Variants in AGMO observed in about 807,000 individuals in gnomAD.
AGMO encodes the protein glyceryl-ether monooxygenase.
Under a neutral mutation model 60.2 loss-of-function variants are expected in AGMO, and 75 were observed. That is an observed-to-expected ratio of 1.25 (90% CI 1.03 to 1.51). The LOEUF is 1.51. Among genes scored for constraint, AGMO ranks in the 40% most tolerant of loss-of-function variants. The pLI is 0.00. For synonymous variants in AGMO, 261 were observed against 177.1 expected, an observed-to-expected ratio of 1.47 and a Z score of -3.76; for missense variants, 763 against 525.5, an observed-to-expected ratio of 1.45 and a Z score of -4.42.
chr7:15,384,215 G>A (rs2128482502), intron 10 of AGMO, among the ~76,000 whole-genome samples: 1 of 152,264 alleles, frequency 6.6e-6, no homozygotes, highest in Non-Finnish European at 1.5e-5. Flanking sequence ...GGGATTACAG[G>A]CATGAGCCAC....
chr7:15,538,068 A>G (rs1440584876), intron 3 of AGMO, among the ~76,000 whole-genome samples: 1 of 152,104 alleles, frequency 6.6e-6, no homozygotes, highest in East Asian at 1.9e-4. Context: ...CAAGTTGTTG[A>G]TGGGAATTCC....
chr7:15,468,813 C>T (rs974130561), intron 3 of AGMO, among the ~76,000 whole-genome samples: 7 of 151,838 alleles, frequency 4.6e-5, no homozygotes, highest in Admixed American at 2.6e-4. Flanking sequence ...TGAGGTAATC[C>T]GGGCAGAGAT....
rs1781979099 is a variant in AGMO, at chr7:15,223,331, A to G, written c.1264-21972T>C. On this transcript the variant is annotated intron_variant, in intron 12 of 12. Coordinates refer to ENST00000342526, the MANE Select transcript of AGMO (RefSeq NM_001004320.2). Reference sequence around the variant, plus strand: ...ATCTAAGAGACAACTAGCAGGTACAATTTTTGATAAAATTGTAGCTTCAGT... The same window carrying G: ...ATCTAAGAGACAACTAGCAGGTACAGTTTTTGATAAAATTGTAGCTTCAGT... 3.9e-5 allele frequency among the ~76,000 whole-genome samples: 6 copies of G among 152,070 alleles called. No homozygotes were observed. The South Asian group carries it at 1.0e-3, about 26-fold the overall frequency.
chr7:15,253,202 T>A (rs889240931), intron 12 of AGMO, among the ~76,000 whole-genome samples: 2 of 152,080 alleles, frequency 1.3e-5, no homozygotes, highest in Non-Finnish European at 2.9e-5. Flanking sequence ...TTTGTGTAGA[T>A]GAGAAAGGAT....
intron 12 of AGMO, among the ~76,000 whole-genome samples, chr7:15,215,429 C>T (rs1301104512): frequency 6.6e-6 from 1 of 151,854 alleles, no homozygotes; most frequent in African/African-American, 2.4e-5. Flanking sequence ...AGACTCAACA[C>T]AGCTTGAGTT....
At chr7:15,260,498 G>C (rs1476126649) in intron 12 of AGMO, among the ~76,000 whole-genome samples, 1 of 151,926 alleles carries the variant, frequency 6.6e-6, no homozygotes, top group Non-Finnish European at 1.5e-5. Flanking sequence ...CTTAACACTG[G>C]AGGTCCCAAA....
At chr7:15,467,200 C>T (rs1489811716) in intron 3 of AGMO, among the ~76,000 whole-genome samples, 1 of 152,064 alleles carries the variant, frequency 6.6e-6, no homozygotes, top group East Asian at 1.9e-4. Context: ...TGTACTCTTC[C>T]ATGCCTAATA....
intron 12 of AGMO, among the ~76,000 whole-genome samples, chr7:15,339,489 G>T (rs990216715): frequency 5.9e-5 from 9 of 152,162 alleles, no homozygotes; most frequent in East Asian, 3.8e-4. Context: ...TTTAGAGGAT[G>T]TTCAGCTGGA....
At chr7:15,218,215 G>GT (rs1781803981) in intron 12 of AGMO, among the ~76,000 whole-genome samples, 1 of 152,000 alleles carries the variant, frequency 6.6e-6, no homozygotes, top group African/African-American at 2.4e-5. Flanking sequence ...AATTATTTAT[G>GT]TAATTTTTTA....
At chr7:15,196,473 G>C (rs765687860), downstream of AGMO, among the ~76,000 whole-genome samples, 1 of 152,172 alleles carries the variant, frequency 6.6e-6, no homozygotes, top group Non-Finnish European at 1.5e-5. Context: ...CTTTGCTATA[G>C]AAACAATATT....
the AGMO span, among the ~76,000 whole-genome samples, chr7:15,151,206 C>G: frequency 2.6e-5 from 4 of 152,048 alleles, no homozygotes; most frequent in Non-Finnish European, 5.9e-5. Flanking sequence ...TTATTTGAAT[C>G]TTCTCTATTT....
intron 12 of AGMO, among the ~76,000 whole-genome samples, chr7:15,219,894 C>G (rs1191037477): frequency 1.3e-5 from 2 of 152,208 alleles, no homozygotes; most frequent in Admixed American, 6.5e-5. Flanking sequence ...CCCCTAACAT[C>G]TTTCCAGACA....
At chr7:15,198,227 G>C (rs971185980), downstream of AGMO, among the ~76,000 whole-genome samples, 4 of 113,314 alleles carry the variant, frequency 3.5e-5, no homozygotes, top group African/African-American at 8.8e-5. Flanking sequence ...GAGAGAGAGA[G>C]AGAGAGAGAG....
Position 15,361,546 on chromosome 7 carries a change from A to AAAAAAAAAAAAAAAAAAG in AGMO, c.1263+3967_1263+3968insCTTTTTTTTTTTTTTTTT, listed in dbSNP as rs60239009. Among the ~76,000 whole-genome samples the AAAAAAAAAAAAAAAAAAG allele has an allele frequency of 8.0e-4, 73 of 91,406 alleles. 9 individuals are homozygous for AAAAAAAAAAAAAAAAAAG. Among genetic ancestry groups the AAAAAAAAAAAAAAAAAAG allele is most frequent in the African/African-American group, 2.5e-3 (58 of 23,282 alleles). 60.0% of individuals were successfully genotyped at this position (91,406 alleles called of 152,430 possible). On this transcript the variant is annotated intron_variant, in intron 12 of 12. Transcript: ENST00000342526. ...CAGAGCGAGACTGTGTCTCAAAAAAAAAAAAAAAGGTTTTGAGATTTAGAT... is the reference window on the plus strand; with the variant it reads ...CAGAGCGAGACTGTGTCTCAAAAAAAAAAAAAAAAAAAAAAAAGAAAAAAAAGGTTTTGAGATTTAGAT...
At chr7:15,429,891 G>A (rs1333444705) in intron 4 of AGMO, among the ~76,000 whole-genome samples, 1 of 151,952 alleles carries the variant, frequency 6.6e-6, no homozygotes, top group African/African-American at 2.4e-5. Flanking sequence ...AGAACCATAG[G>A]CTTATTTATG....
At chr7:15,408,786 G>A (rs1261534230) in intron 5 of AGMO, among the ~76,000 whole-genome samples, 3 of 151,834 alleles carry the variant, frequency 2.0e-5, no homozygotes, top group South Asian at 2.1e-4. Flanking sequence ...CACTTTGAGT[G>A]GGGACCATGG....
intron 2 of AGMO, among the ~76,000 whole-genome samples, chr7:15,551,393 C>T (rs1340040794): frequency 7.9e-4 from 115 of 145,122 alleles, no homozygotes; most frequent in Middle Eastern, 3.5e-3. Flanking sequence ...TGTTTGCAGA[C>T]GACATGATTG....
chr7:15,337,152 A>T (rs79662266), intron 12 of AGMO, among the ~76,000 whole-genome samples: 16,691 of 152,208 alleles, frequency 0.11, 1,026 homozygotes, highest in Admixed American at 0.19. Context: ...AATGAGGAAG[A>T]AGTTTATATT....
Position 15,344,525 on chromosome 7 carries a change from C to A in AGMO, c.1263+20989G>T, listed in dbSNP as rs1203744802. On this transcript the variant is annotated intron_variant, in intron 12 of 12. Coordinates refer to ENST00000342526, the MANE Select transcript of AGMO (RefSeq NM_001004320.2). ...GATAAGCCTGGGCAACATGACAAAC[C>A]CGTTTCTACCAAAAATACAAAAATT... is the stretch of plus-strand genomic sequence containing the variant. 2.0e-5 allele frequency among the ~76,000 whole-genome samples: 3 copies of A among 152,068 alleles called. No homozygotes were observed. The East Asian group carries it at 5.8e-4, about 29-fold the overall frequency.
Sources: allele counts gnomAD v4.1 joint callset (sites outside exome capture counted in the v4.1 genomes callset), GRCh38; gene constraint gnomAD v4.1.1; transcripts MANE v1.5; gene names NCBI Gene and HGNC (gene_info 2026-07-23, HGNC 2026-07-21).